Variants in VAV2 observed in about 807,000 individuals in gnomAD.
The protein encoded by VAV2 is vav guanine nucleotide exchange factor 2.
In VAV2, 67 loss-of-function variants were observed where a neutral mutation model predicts 132.5. The ratio of observed to expected loss-of-function variants is 0.51; its 90% confidence interval spans 0.42 to 0.62. The LOEUF (loss-of-function observed/expected upper bound fraction) is 0.62, where lower values mean the gene tolerates loss of function less well. VAV2 is among the 20% of genes least tolerant of loss of function. The pLI is 0.00. For synonymous variants in VAV2, 492 were observed against 443.5 expected (o/e 1.11, Z -1.37); for missense variants, 938 against 1,153.6 (o/e 0.81, Z 2.71).
chr9:133,780,373 C>T (rs1288143345), intron 20 of VAV2, among the ~76,000 whole-genome samples: 3 of 152,188 alleles, frequency 2.0e-5, no homozygotes, highest in Non-Finnish European at 2.9e-5. Context: ...ATCAGCTAAA[C>T]AGAGGGCTCT....
chr9:133,819,448 C>CA (rs532943477), intron 4 of VAV2, among the ~76,000 whole-genome samples: 31,256 of 136,058 alleles, frequency 0.23, 4,197 homozygotes, highest in African/African-American at 0.4. Context: ...GGCTCCGTCT[C>CA]AAAAAAAAAA....
At chr9:133,815,525 A>T (rs893645589) in intron 4 of VAV2, among the ~76,000 whole-genome samples, 1 of 152,104 alleles carries the variant, frequency 6.6e-6, no homozygotes, top group Admixed American at 6.5e-5. Context: ...CCTTGTCTGT[A>T]GAATGTCAAC....
chr9:133,909,710 G>A (rs1015607118), intron 2 of VAV2, among the ~76,000 whole-genome samples: 6 of 152,278 alleles, frequency 3.9e-5, no homozygotes, highest in South Asian at 4.1e-4. Flanking sequence ...GCAGACACAC[G>A]GTGTGTGAGG....
intron 25 of VAV2, among the ~76,000 whole-genome samples, chr9:133,772,859 C>G (rs979481956): frequency 6.6e-6 from 1 of 151,854 alleles, no homozygotes; most frequent in African/African-American, 2.4e-5. Flanking sequence ...CTGCACACCC[C>G]ACACCTAGGC....
At chr9:133,973,235 C>T (rs979200256) in intron 1 of VAV2, among the ~76,000 whole-genome samples, 2 of 152,164 alleles carry the variant, frequency 1.3e-5, no homozygotes, top group Non-Finnish European at 2.9e-5. Flanking sequence ...GCCCGCCTGG[C>T]CCAGCGCTCA....
intron 2 of VAV2, among the ~76,000 whole-genome samples, chr9:133,864,595 A>C (rs1263865245): frequency 6.6e-6 from 1 of 152,226 alleles, no homozygotes; most frequent in Admixed American, 6.5e-5. Flanking sequence ...GCGGCACTTT[A>C]AAAGACAGAC....
At chr9:133,848,765 G>A (rs1254651450) in intron 3 of VAV2, among the ~76,000 whole-genome samples, 1 of 152,210 alleles carries the variant, frequency 6.6e-6, no homozygotes, top group Non-Finnish European at 1.5e-5. Context: ...AGGCTCCTGC[G>A]TCGTTCAGGC....
chr9:133,945,723 A>G (rs1463946587), intron 1 of VAV2, among the ~76,000 whole-genome samples: 1 of 152,154 alleles, frequency 6.6e-6, no homozygotes, highest in Non-Finnish European at 1.5e-5. Flanking sequence ...AACCTTCCCC[A>G]TCCATGTAGA....
intron 2 of VAV2, among the ~76,000 whole-genome samples, chr9:133,880,250 A>G (rs1379140110): frequency 6.6e-6 from 1 of 152,148 alleles, no homozygotes; most frequent in Non-Finnish European, 1.5e-5. Flanking sequence ...GCCCCACCGG[A>G]GGAAAGAGCC....
At position 133,834,352 on chromosome 9, in the gene VAV2, A is replaced by T; in HGVS notation, c.381-12T>A. On this transcript the variant is annotated splice_polypyrimidine_tract_variant and intron_variant, in intron 3 of 29. Coordinates refer to ENST00000371850, the MANE Select transcript of VAV2 (RefSeq NM_001134398.2). This position sits in a 1 kb window ranked among gnomAD's most constrained non-coding sequence, Gnocchi z 5.9. Reference sequence around the variant, plus strand: ...CTGAGGGAAAAGGCCTGCGGAAGAGAAGGCGAGAGGGAGGTGAGCAGGTCC... The same window carrying T: ...CTGAGGGAAAAGGCCTGCGGAAGAGTAGGCGAGAGGGAGGTGAGCAGGTCC... The T allele has an allele frequency of 1.2e-6, 2 of 1,610,566 alleles. No individual in the cohort carries two copies. Among genetic ancestry groups the T allele is most frequent in the Non-Finnish European group, 1.7e-6 (2 of 1,178,414 alleles).
rs374080525 is a variant in VAV2 at position 133,820,328 on chromosome 9, TC to T, written c.450-8113del. Among the ~76,000 whole-genome samples the T allele has an allele frequency of 4.2e-4, 57 of 134,154 alleles. 1 individual carries two copies. Among genetic ancestry groups the T allele is most frequent in the African/African-American group, 7.4e-4 (20 of 26,854 alleles). The allele number at this position is 134,154 out of a possible 152,430, so 88.0% of individuals were successfully genotyped here. A position where few individuals can be genotyped will look rare whatever the true frequency, so the allele number is the denominator to read the frequency against. On this transcript the variant is annotated intron_variant, in intron 4 of 29. Transcript: ENST00000371850. ...CCATAAACAAGTTTCTTTTTCTTTT[TC>T]TTTTTTTTTTTTTTGAGACGGAGTC...
Position 133,884,776 on chromosome 9 carries a change from G to T in VAV2, c.322-23344C>A, listed in dbSNP as rs1181568313. Among the ~76,000 whole-genome samples the T allele has an allele frequency of 6.6e-6, 1 of 152,226 alleles. No homozygotes were observed. Among genetic ancestry groups the T allele is most frequent in the Non-Finnish European group, 1.5e-5 (1 of 68,052 alleles). The stretch of plus-strand genomic sequence containing the variant: ...ACGGATAAGCTTGACGGCTCCGTGA[G>T]AATGCTGGTAGGGAGCAGAACCAAA... On this transcript the variant is annotated intron_variant, in intron 2 of 29. Transcript: ENST00000371850. The surrounding 1 kb of genome is among the most constrained non-coding windows in gnomAD (Gnocchi z 5.3).
chr9:133,783,372 T>G (rs371081311), intron 19 of VAV2, 131 bp downstream of exon 19: 1 of 814,576 alleles, frequency 1.2e-6, no homozygotes, highest in African/African-American at 1.7e-5. Flanking sequence ...CTGGGGCACG[T>G]GAGCACTGGT....
intron 2 of VAV2, among the ~76,000 whole-genome samples, chr9:133,933,069 C>T (rs959856098): frequency 6.6e-6 from 1 of 152,280 alleles, no homozygotes; most frequent in African/African-American, 2.4e-5. Flanking sequence ...AAACACTGGT[C>T]AAACCAGCCT....
rs772542451 is a variant in VAV2 at position 133,764,241 on chromosome 9, AG to A, written c.2590-133del. 6.2e-5 allele frequency: 70 copies of A among 1,130,196 alleles called. 1 individual carries two copies. The highest frequency in any genetic ancestry group is 2.2e-4 in the South Asian group (16 of 71,740). 70.0% of individuals were successfully genotyped at this position (1,130,196 alleles called of 1,614,324 possible). On this transcript the variant is annotated intron_variant, in intron 29 of 29. Transcript: ENST00000371850. ...GGCCCTTCGGAAGTCCAGAGTTCTC[AG>A]AAGGACCTGGTGGAACCATTGCCTG...
chr9:133,813,079 A>C (rs1196928858), intron 4 of VAV2, among the ~76,000 whole-genome samples: 1 of 152,152 alleles, frequency 6.6e-6, no homozygotes, highest in East Asian at 1.9e-4. Context: ...TGAATCAGCA[A>C]CTGAGCCAAT....
intron 2 of VAV2, among the ~76,000 whole-genome samples, chr9:133,898,917 G>T (rs1206425604): frequency 6.8e-6 from 1 of 147,358 alleles, no homozygotes; most frequent in Non-Finnish European, 1.5e-5. Flanking sequence ...CGCCTCCAGG[G>T]TTCTCACCAT....
At chr9:133,887,010 T>C (rs1033032443) in intron 2 of VAV2, among the ~76,000 whole-genome samples, 4 of 141,746 alleles carry the variant, frequency 2.8e-5, no homozygotes, top group Non-Finnish European at 4.7e-5. Context: ...AAGCCCCCCC[T>C]CCCCACCCCG....
intron 1 of VAV2, among the ~76,000 whole-genome samples, chr9:133,956,681 C>T (rs767355683): frequency 1.3e-4 from 20 of 152,214 alleles, no homozygotes; most frequent in Non-Finnish European, 2.5e-4. Context: ...GGCCCCTCGG[C>T]TGGTGGGCAG....
Sources: gnomAD v4.1 joint callset for allele counts (sites outside exome capture counted in the v4.1 genomes callset) on GRCh38, gnomAD v4.1.1 for gene constraint, Gnocchi (gnomAD v3.1) non-coding constraint, MANE v1.5 for transcripts, NCBI Gene and HGNC (gene_info 2026-07-23, HGNC 2026-07-21) for gene names.